NRXN1: variants seen among roughly 807,000 people sequenced by gnomAD.
The protein encoded by NRXN1 is neurexin-1.
Under a neutral mutation model 150.9 loss-of-function variants are expected in NRXN1, and 39 were observed. The ratio of observed to expected loss-of-function variants is 0.26; its 90% CI spans 0.20 to 0.34. NRXN1 has a LOEUF of 0.34. Ranked by LOEUF, NRXN1 falls within the 10% of genes least tolerant of loss-of-function variation. The pLI is 1.00. For missense variants in NRXN1, 1,815 were observed against 1,949.9 expected (o/e 0.93, Z 1.30); for synonymous variants, 924 against 757.0 (o/e 1.22, Z -3.62).
chr2:49,966,332 TG>T (rs1676959709), intron 21 of NRXN1, among the ~76,000 whole-genome samples: 1 of 152,080 alleles, frequency 6.6e-6, no homozygotes, highest in Non-Finnish European at 1.5e-5. Context: ...AAATGGAAAA[TG>T]AGTTTGCCCT....
intron 17 of NRXN1, among the ~76,000 whole-genome samples, chr2:50,418,534 G>T (rs2083726237): frequency 6.6e-6 from 1 of 152,066 alleles, no homozygotes; most frequent in South Asian, 2.1e-4. Flanking sequence ...TTAGATTAGT[G>T]TCTTTTCAGA....
chr2:50,508,208 T>G (rs1339701601), intron 12 of NRXN1, among the ~76,000 whole-genome samples: 3 of 152,208 alleles, frequency 2.0e-5, no homozygotes, highest in African/African-American at 4.8e-5. Context: ...TGATATGAGC[T>G]AAATTTTAAA....
intron 5 of NRXN1, among the ~76,000 whole-genome samples, chr2:50,760,071 A>G: frequency 6.6e-6 from 1 of 151,842 alleles, no homozygotes; most frequent in East Asian, 2.0e-4. Flanking sequence ...GTGACTGCAC[A>G]TAGTTCATTT....
intron 17 of NRXN1, among the ~76,000 whole-genome samples, chr2:50,409,057 G>A (rs1195620242): frequency 1.3e-5 from 2 of 152,070 alleles, no homozygotes; most frequent in Non-Finnish European, 2.9e-5. Flanking sequence ...GTTTACAGAT[G>A]AGCCCAAGCT....
intron 18 of NRXN1, among the ~76,000 whole-genome samples, chr2:50,209,343 ACAGTTACCATTTAT>A (rs948514411): frequency 2.6e-5 from 4 of 152,162 alleles, no homozygotes; most frequent in Admixed American, 6.6e-5. Flanking sequence ...TAAAATAATA[ACAGTTACCATTTAT>A]GCAATACTTG....
chr2:50,505,557 C>G (rs140910073), intron 13 of NRXN1, among the ~76,000 whole-genome samples: 1 of 152,144 alleles, frequency 6.6e-6, no homozygotes, highest in South Asian at 2.1e-4. Flanking sequence ...CAATTCATTC[C>G]TCTTCAAAGA....
intron 10 of NRXN1, among the ~76,000 whole-genome samples, chr2:50,532,557 G>A (rs920654721): frequency 2.6e-5 from 4 of 152,014 alleles, no homozygotes; most frequent in East Asian, 1.9e-4. Context: ...TTTATAGAAG[G>A]GGAGTAACTT....
chr2:50,655,881 C>T (rs1229372924), intron 5 of NRXN1, among the ~76,000 whole-genome samples: 2 of 151,812 alleles, frequency 1.3e-5, no homozygotes, highest in Non-Finnish European at 2.9e-5. Context: ...AAAAGAAATT[C>T]TCTGGCCAGC....
rs144218401 is a variant in NRXN1 at position 50,628,060 on chromosome 2, G to C, written c.833-4445C>G. 6.6e-5 allele frequency among the ~76,000 whole-genome samples: 10 copies of C among 151,868 alleles called. No homozygotes were observed. The East Asian group carries it at 1.9e-3, about 29-fold the overall frequency. ...TAGATAACTAAATTATAAAGTTTTG[G>C]AGCTTGAAGAGTTTTGGTCCAGTAA... On this transcript the variant is annotated intron_variant, in intron 5 of 22. Transcript: ENST00000401669.
At chr2:49,954,132 C>T (rs1439126927) in intron 21 of NRXN1, among the ~76,000 whole-genome samples, 2 of 152,116 alleles carry the variant, frequency 1.3e-5, no homozygotes, top group African/African-American at 4.8e-5. Context: ...TACCTGAATA[C>T]ATTTTATTTT....
chr2:50,302,982 G>A (rs902477514), intron 17 of NRXN1, among the ~76,000 whole-genome samples: 10 of 151,938 alleles, frequency 6.6e-5, no homozygotes, highest in African/African-American at 2.4e-4. Context: ...CGCATACATA[G>A]ATACTTTATC....
intron 5 of NRXN1, among the ~76,000 whole-genome samples, chr2:50,878,401 A>G (rs759186854): frequency 8.6e-5 from 13 of 151,838 alleles, no homozygotes; most frequent in Non-Finnish European, 1.6e-4. Flanking sequence ...CTTTTGATCA[A>G]TTGCTGAGCC....
chr2:50,792,119 A>G (rs1407869334), intron 5 of NRXN1, among the ~76,000 whole-genome samples: 2 of 152,154 alleles, frequency 1.3e-5, no homozygotes, highest in Non-Finnish European at 2.9e-5. Flanking sequence ...CAGGGTCTCT[A>G]TAACTAATTA....
At chr2:50,603,727 G>C (rs1007917791) in intron 8 of NRXN1, among the ~76,000 whole-genome samples, 5 of 152,124 alleles carry the variant, frequency 3.3e-5, no homozygotes, top group African/African-American at 1.2e-4. Flanking sequence ...TATTATTGTA[G>C]AGAGGGACCT....
intron 2 of NRXN1, among the ~76,000 whole-genome samples, chr2:50,942,877 A>C (rs1181990105): frequency 6.6e-6 from 1 of 152,150 alleles, no homozygotes; most frequent in Non-Finnish European, 1.5e-5. Flanking sequence ...AATGTGAAAG[A>C]GACATGAGAT....
Position 50,347,149 on chromosome 2 carries a change from C to T in NRXN1, c.3365-110179G>A. 7 of 1,378,766 alleles carry T rather than the reference C, an allele frequency of 5.1e-6. No homozygotes were observed. Among genetic ancestry groups the T allele is most frequent in the Admixed American group, 2.2e-5 (1 of 46,232 alleles). 85.4% of individuals were successfully genotyped at this position (1,378,766 alleles called of 1,614,324 possible). ...CGCCGTGCCTAGCACCCCAAACAAT[C>T]CGAAACATAGCCGAGGCGAATGCAG... On this transcript the variant is annotated intron_variant, in intron 17 of 22. Coordinates refer to ENST00000401669, the MANE Select transcript of NRXN1 (RefSeq NM_001330078.2). This position sits in a 1 kb window ranked among gnomAD's most constrained non-coding sequence, Gnocchi z 4.9.
chr2:50,914,174 G>A (rs62142974), intron 5 of NRXN1, among the ~76,000 whole-genome samples: 4 of 151,706 alleles, frequency 2.6e-5, no homozygotes, highest in African/African-American at 7.2e-5. Context: ...GGACCTGGAC[G>A]CACTGATAAG....
At chr2:50,789,690 G>C (rs1026581694) in intron 5 of NRXN1, among the ~76,000 whole-genome samples, 29 of 152,186 alleles carry the variant, frequency 1.9e-4, no homozygotes, top group African/African-American at 6.5e-4. Context: ...AAGCCAAAAT[G>C]AGACAATTTA....
At chr2:50,381,027 A>G (rs1259234605) in intron 17 of NRXN1, among the ~76,000 whole-genome samples, 1 of 152,088 alleles carries the variant, frequency 6.6e-6, no homozygotes, top group Admixed American at 6.6e-5. Context: ...TCTCTATTTA[A>G]CCCACTGGAT....
Sources: gnomAD v4.1 joint callset for allele counts (sites outside exome capture counted in the v4.1 genomes callset) on GRCh38, gnomAD v4.1.1 for gene constraint, Gnocchi (gnomAD v3.1) non-coding constraint, MANE v1.5 for transcripts, NCBI Gene and HGNC (gene_info 2026-07-23, HGNC 2026-07-21) for gene names.